ROR1: variants seen among roughly 807,000 people sequenced by gnomAD.
ROR1 encodes the protein ROR family WNT receptor 1, also known as inactive tyrosine-protein kinase transmembrane receptor ROR1.
Under a neutral mutation model 78.8 loss-of-function variants are expected in ROR1, and 19 were observed. The ratio of observed to expected loss-of-function variants is 0.24; its 90% confidence interval spans 0.17 to 0.35. The LOEUF is 0.35. Ranked by LOEUF, ROR1 falls within the 10% of genes least tolerant of loss-of-function variation. ROR1 has a pLI of 1.00. For missense variants in ROR1, 917 were observed against 1,177.8 expected, an observed-to-expected ratio of 0.78 and a Z score of 3.24; for synonymous variants, 386 against 433.6, an observed-to-expected ratio of 0.89 and a Z score of 1.36.
At chr1:63,782,451 C>T (rs1423769576) in intron 1 of ROR1, among the ~76,000 whole-genome samples, 1 of 151,874 alleles carries the variant, frequency 6.6e-6, no homozygotes, top group Non-Finnish European at 1.5e-5. Context: ...GAGCCTGAGA[C>T]TCTCCCTTAA....
chr1:63,981,676 C>T (rs1487256422), intron 1 of ROR1, among the ~76,000 whole-genome samples: 2 of 152,032 alleles, frequency 1.3e-5, no homozygotes, highest in African/African-American at 4.8e-5. Context: ...AGCTGGTCCA[C>T]ATGGGTAGGA....
At position 63,848,374 on chromosome 1, in the gene ROR1, A is replaced by G. The variant is rs1645094551; in HGVS notation, c.91+73866A>G. ...ATAAGATCCTGTTACACATTTGAAA[A>G]AAAGACTTTTGCAGAGTGGAGGTAA... On this transcript the variant is annotated intron_variant, in intron 1 of 8. Transcript: ENST00000371079. Among the ~76,000 whole-genome samples the G allele has an allele frequency of 3.3e-5, 5 of 152,252 alleles. No homozygotes were observed. In the South Asian group the frequency reaches 1.0e-3, roughly 31 times the overall value.
At chr1:63,931,807 G>C (rs1310085912) in intron 1 of ROR1, among the ~76,000 whole-genome samples, 1 of 152,188 alleles carries the variant, frequency 6.6e-6, no homozygotes, top group Non-Finnish European at 1.5e-5. Flanking sequence ...CAAAGTGCAA[G>C]AGTAGTGATG....
chr1:64,063,744 C>T (rs1213699165), intron 4 of ROR1, among the ~76,000 whole-genome samples: 1 of 152,098 alleles, frequency 6.6e-6, no homozygotes, highest in East Asian at 1.9e-4. Flanking sequence ...TCAACTCCAT[C>T]TCCACCTTAG....
intron 4 of ROR1, among the ~76,000 whole-genome samples, chr1:64,127,100 A>G (rs1648737316): frequency 6.6e-6 from 1 of 152,206 alleles, no homozygotes; most frequent in Non-Finnish European, 1.5e-5. Context: ...TTGAGGATGA[A>G]TAATCCAATA....
intron 1 of ROR1, among the ~76,000 whole-genome samples, chr1:63,895,143 G>A (rs906854240): frequency 7.2e-5 from 11 of 152,170 alleles, no homozygotes; most frequent in Non-Finnish European, 1.0e-4. Context: ...ATATAATTTT[G>A]TAATCTCTCA....
At chr1:64,045,340 AAT>A (rs923378769) in intron 2 of ROR1, among the ~76,000 whole-genome samples, 6 of 151,828 alleles carry the variant, frequency 4.0e-5, no homozygotes, top group Non-Finnish European at 5.9e-5. Context: ...ATAAAAAAAA[AAT>A]GCCACTTTTC....
At chr1:63,845,434 T>C (rs1445882643) in intron 1 of ROR1, among the ~76,000 whole-genome samples, 1 of 152,200 alleles carries the variant, frequency 6.6e-6, no homozygotes, top group East Asian at 1.9e-4. Context: ...TACTATACAA[T>C]AGTATTTGGA....
chr1:64,142,959 ACCC>A, intron 7 of ROR1: 1 of 1,164,374 alleles, frequency 8.6e-7, no homozygotes, highest in South Asian at 2.4e-5. Context: ...AAAAGATGTT[ACCC>A]AGAATGGTCT....
intron 2 of ROR1, among the ~76,000 whole-genome samples, chr1:64,017,728 C>CT (rs374208865): frequency 3.2e-4 from 49 of 152,280 alleles, no homozygotes; most frequent in African/African-American, 1.2e-3. Context: ...CTGCAGATGG[C>CT]TGTGTGAGCA....
intron 1 of ROR1, among the ~76,000 whole-genome samples, chr1:63,775,703 T>C (rs963119799): frequency 2.0e-4 from 31 of 152,266 alleles, no homozygotes; most frequent in African/African-American, 7.2e-4. Context: ...GTTAGCTGAC[T>C]TTCTTGGTAG....
At chr1:64,058,746 G>A (rs904179157) in intron 4 of ROR1, among the ~76,000 whole-genome samples, 7 of 151,866 alleles carry the variant, frequency 4.6e-5, no homozygotes, top group Admixed American at 4.6e-4. Flanking sequence ...CTGGTATTTT[G>A]TTGAGGATTT....
chr1:63,899,796 C>T (rs1327433323), intron 1 of ROR1, among the ~76,000 whole-genome samples: 1 of 151,586 alleles, frequency 6.6e-6, no homozygotes, highest in Admixed American at 6.6e-5. Flanking sequence ...TTTTTATGTG[C>T]GATTGGACAA....
At chr1:63,862,069 T>A (rs1645185302) in intron 1 of ROR1, among the ~76,000 whole-genome samples, 1 of 152,190 alleles carries the variant, frequency 6.6e-6, no homozygotes, top group Non-Finnish European at 1.5e-5. Flanking sequence ...GGGTCTGTCT[T>A]ACTGTGAAGT....
intron 2 of ROR1, among the ~76,000 whole-genome samples, chr1:64,013,034 G>A (rs909416513): frequency 4.6e-5 from 7 of 152,112 alleles, no homozygotes; most frequent in Non-Finnish European, 7.4e-5. Context: ...GTGACTTTTA[G>A]CAAGCCTCTC....
chr1:63,976,886 T>C (rs1646165580), intron 1 of ROR1, among the ~76,000 whole-genome samples: 1 of 152,208 alleles, frequency 6.6e-6, no homozygotes, highest in Non-Finnish European at 1.5e-5. Context: ...CCTATATTAG[T>C]CCATTCTCAC....
intron 1 of ROR1, among the ~76,000 whole-genome samples, chr1:63,875,738 C>T (rs1464862643): frequency 3.9e-5 from 6 of 152,124 alleles, no homozygotes; most frequent in African/African-American, 9.7e-5. Flanking sequence ...TTCTGCTTGC[C>T]ACCATGAACT....
intron 1 of ROR1, among the ~76,000 whole-genome samples, chr1:63,795,883 A>G (rs1644756883): frequency 6.6e-6 from 1 of 152,232 alleles, no homozygotes; most frequent in Non-Finnish European, 1.5e-5. Context: ...GTATGTAAGT[A>G]CAGAAGGTTT....
chr1:64,048,540 G>C (rs1475265621), intron 2 of ROR1, among the ~76,000 whole-genome samples: 1 of 151,956 alleles, frequency 6.6e-6, no homozygotes, highest in Non-Finnish European at 1.5e-5. Flanking sequence ...TCCAAGAAGG[G>C]GTGCTTAGGA....
Sources: allele counts gnomAD v4.1 joint callset (sites outside exome capture counted in the v4.1 genomes callset), GRCh38; gene constraint gnomAD v4.1.1; transcripts MANE v1.5; gene names NCBI Gene and HGNC (gene_info 2026-07-23, HGNC 2026-07-21).